MEP1A: variants seen among roughly 807,000 people sequenced by gnomAD.
MEP1A encodes the protein meprin A subunit alpha.
MEP1A carries 68 observed loss-of-function variants against 84.5 expected under a neutral mutation model. The ratio of observed to expected loss-of-function variants is 0.80; its 90% confidence interval spans 0.66 to 0.98. The LOEUF (loss-of-function observed/expected upper bound fraction) is 0.98, where lower values mean the gene tolerates loss of function less well. Among genes scored for constraint, MEP1A ranks in the 50% least tolerant of loss-of-function variants. The probability of loss-of-function intolerance (pLI) is 0.00; values close to 1 mark genes in which losing one functional copy is unlikely to be tolerated. For synonymous variants in MEP1A, 337 were observed against 336.8 expected, an observed-to-expected ratio of 1.00 and a Z score of -0.01; for missense variants, 887 against 919.9, an observed-to-expected ratio of 0.96 and a Z score of 0.46.
At chr6:46,806,521 A>T (rs929089031) in intron 5 of MEP1A, among the ~76,000 whole-genome samples, 1 of 151,992 alleles carries the variant, frequency 6.6e-6, no homozygotes, top group African/African-American at 2.4e-5. Flanking sequence ...GTAAATTTGC[A>T]TGACTCAAAC....
In MEP1A at chr6:46,817,946, G is replaced by C. The variant is rs998512406; in HGVS notation, c.381-1583G>C. Among the ~76,000 whole-genome samples the C allele has an allele frequency of 9.8e-5, 15 of 152,342 alleles. No homozygotes were observed. The East Asian group carries it at 2.9e-3, about 29-fold the overall frequency. On this transcript the variant is annotated intron_variant, in intron 6 of 13. Coordinates refer to ENST00000230588, the MANE Select transcript of MEP1A (RefSeq NM_005588.3). The stretch of plus-strand genomic sequence containing the variant: ...TCAGGGCACTGGTCTCCTGAAGTTG[G>C]AGGCTAACTGGGACTCTTTCAGAAA...
chr6:46,839,358 T>C lies in MEP1A; in HGVS notation c.*222T>C. On this transcript the variant is annotated 3_prime_UTR_variant, in exon 14 of 14. Transcript: ENST00000230588. ...CTAGTGTGTCCTGTGACAACACTCA[T>C]CACACTTCATTGTAAATCACTTGTT... The C allele has an allele frequency of 2.6e-6, 1 of 388,200 alleles. No homozygotes were observed. Among genetic ancestry groups the C allele is most frequent in the Non-Finnish European group, 4.6e-6 (1 of 215,914 alleles). 24.0% of individuals were successfully genotyped at this position (388,200 alleles called of 1,614,324 possible).
chr6:46,797,792 C>CTTTCTT (rs1415183029), intron 3 of MEP1A, among the ~76,000 whole-genome samples: 23 of 136,798 alleles, frequency 1.7e-4, no homozygotes, highest in African/African-American at 6.0e-4. Context: ...TTCTTTCTTT[C>CTTTCTT]TCTTTCTTTC....
chr6:46,844,666 A>T (rs1384450655), downstream of MEP1A, among the ~76,000 whole-genome samples: 2 of 152,230 alleles, frequency 1.3e-5, no homozygotes, highest in Non-Finnish European at 2.9e-5. Context: ...AGATGTTCAG[A>T]TACCAGCCCC....
At chr6:46,805,121 T>C (rs2150742439) in intron 5 of MEP1A, among the ~76,000 whole-genome samples, 1 of 152,046 alleles carries the variant, frequency 6.6e-6, no homozygotes, top group Admixed American at 6.6e-5. Context: ...TGAATAAAGC[T>C]ACTATGAGTA....
At chr6:46,803,738 T>C (rs183426212) in intron 5 of MEP1A, among the ~76,000 whole-genome samples, 75 of 151,362 alleles carry the variant, frequency 5.0e-4, no homozygotes, top group African/African-American at 1.8e-3. Flanking sequence ...ACTAAAGCTA[T>C]AAATTTTATC....
chr6:46,798,950 AG>A (rs1274530742), intron 4 of MEP1A, among the ~76,000 whole-genome samples, 155 bp from the exon 5 acceptor site: 1 of 152,210 alleles, frequency 6.6e-6, no homozygotes, highest in Admixed American at 6.5e-5. Flanking sequence ...TTATCTCTCA[AG>A]GACTTCTATT....
rs779415001 is a variant in MEP1A, at chr6:46,793,480, C to T, written c.69+13C>T. 9.3e-6 allele frequency: 15 copies of T among 1,608,616 alleles called. No individual in the cohort carries two copies. In the Admixed American group the frequency reaches 1.8e-4, roughly 20 times the overall value. On this transcript the variant is annotated intron_variant, in intron 1 of 13. Transcript: ENST00000230588. The stretch of plus-strand genomic sequence containing the variant: ...AGCAGCTGTACCGGTAAGTCGAGTC[C>T]TGCTTTTTGGATATTTAGAAATATT...
At chr6:46,799,797 A>G (rs1420830798) in intron 5 of MEP1A, among the ~76,000 whole-genome samples, 1 of 152,178 alleles carries the variant, frequency 6.6e-6, no homozygotes, top group African/African-American at 2.4e-5. Context: ...TAAATATTAG[A>G]AGCCACATGT....
At chr6:46,813,403 G>T (rs112194328) in intron 6 of MEP1A, among the ~76,000 whole-genome samples, 7 of 152,226 alleles carry the variant, frequency 4.6e-5, no homozygotes, top group African/African-American at 1.7e-4. Flanking sequence ...TAAGAGGAAA[G>T]TTCCACAGCA....
At chr6:46,823,368 T>C (rs1243030730) in intron 7 of MEP1A, among the ~76,000 whole-genome samples, 2 of 152,144 alleles carry the variant, frequency 1.3e-5, no homozygotes, top group Non-Finnish European at 2.9e-5. Flanking sequence ...TCCCAGCACT[T>C]TGAGAGGCCG....
chr6:46,801,439 C>T (rs1767195759), intron 5 of MEP1A, among the ~76,000 whole-genome samples: 1 of 152,082 alleles, frequency 6.6e-6, no homozygotes, highest in Non-Finnish European at 1.5e-5. Flanking sequence ...GTCTGTCCAA[C>T]TCCTTCATGA....
At chr6:46,804,413 G>A (rs1235817679) in intron 5 of MEP1A, among the ~76,000 whole-genome samples, 1 of 151,604 alleles carries the variant, frequency 6.6e-6, no homozygotes, top group African/African-American at 2.4e-5. Flanking sequence ...AAAGCATTAT[G>A]CAGCGAACAT....
chr6:46,834,013 G>C (rs937132086), intron 11 of MEP1A, among the ~76,000 whole-genome samples: 4 of 146,988 alleles, frequency 2.7e-5, no homozygotes, highest in African/African-American at 1.0e-4. Flanking sequence ...GTCTCCCTCT[G>C]TCGCCCAGGC....
At chr6:46,835,637 T>C in intron 13 of MEP1A, 88 bp downstream of exon 13, 2 of 1,393,476 alleles carry the variant, frequency 1.4e-6, no homozygotes, top group Non-Finnish European at 2.0e-6. Flanking sequence ...GTTTGCAGAG[T>C]AGGGCGAAGA....
At chr6:46,808,197 A>G (rs1767409628) in intron 5 of MEP1A, among the ~76,000 whole-genome samples, 1 of 152,034 alleles carries the variant, frequency 6.6e-6, no homozygotes, top group Admixed American at 6.6e-5. Flanking sequence ...ACATCTCTTC[A>G]TATTACAGAT....
chr6:46,819,585 G>A lies in MEP1A; in HGVS notation c.437G>A (p.Gly146Glu). 6.2e-7 allele frequency: 1 copy of A among 1,614,066 alleles called. No homozygotes were observed. The highest frequency in any genetic ancestry group is 8.5e-7 in the Non-Finnish European group (1 of 1,179,974). ...GGACAGAACATTTCCATTGGCCAAGGATGTGCCTATAAGGCCATCATAGAA... is the reference window on the plus strand; with the variant it reads ...GGACAGAACATTTCCATTGGCCAAGAATGTGCCTATAAGGCCATCATAGAA... The part of the protein sequence containing the change: ...HVGQNISIGQ[G>E]CAYKAIIEHE... Residue 146 changes from glycine to glutamate, a missense_variant, in exon 7 of 14, where the codon GGA becomes GAA. By Grantham distance (98) the Gly-to-Glu change is moderately conservative. Transcript: ENST00000230588.
intron 6 of MEP1A, among the ~76,000 whole-genome samples, chr6:46,812,704 A>T (rs573789563): frequency 2.6e-5 from 4 of 151,750 alleles, no homozygotes; most frequent in Non-Finnish European, 5.9e-5. Context: ...TTTAATTTCC[A>T]TCTTGATTTC....
downstream of MEP1A, among the ~76,000 whole-genome samples, chr6:46,843,024 C>T (rs1768360731): frequency 6.6e-6 from 1 of 152,192 alleles, no homozygotes; most frequent in Non-Finnish European, 1.5e-5. Flanking sequence ...CTCCAAGCCT[C>T]TTGGATTAAA....
Sources: gnomAD v4.1 joint callset for allele counts (sites outside exome capture counted in the v4.1 genomes callset) on GRCh38, gnomAD v4.1.1 for gene constraint, MANE v1.5 for transcripts, NCBI Gene and HGNC (gene_info 2026-07-23, HGNC 2026-07-21) for gene names.